Variants in CHCHD6 observed in about 807,000 individuals in gnomAD.
CHCHD6 encodes coiled-coil-helix-coiled-coil-helix domain containing 6, also known as MICOS complex subunit MIC25.
Under a neutral mutation model 32.3 loss-of-function variants are expected in CHCHD6, and 28 were observed. The observed-to-expected ratio is 0.87, with a 90% CI of 0.64 to 1.19. The LOEUF (loss-of-function observed/expected upper bound fraction) is 1.19. CHCHD6 is among the 50% of genes most tolerant of loss of function. CHCHD6 has a pLI of 0.00. For synonymous variants in CHCHD6, 122 were observed against 117.5 expected (o/e 1.04, Z -0.25); for missense variants, 333 against 307.0 (o/e 1.08, Z -0.63).
At chr3:126,790,814 C>T (rs966137381) in intron 4 of CHCHD6, among the ~76,000 whole-genome samples, 2 of 152,208 alleles carry the variant, frequency 1.3e-5, no homozygotes, top group African/African-American at 2.4e-5. Flanking sequence ...AAGCCTTCTT[C>T]TCTCAAGTTG....
chr3:126,957,407 C>G lies in CHCHD6; in HGVS notation c.567-9C>G, dbSNP rs376062365. The G allele has an allele frequency of 4.4e-6, 7 of 1,609,026 alleles. No individual in the cohort carries two copies. Among genetic ancestry groups the G allele is most frequent in the Non-Finnish European group, 8.5e-7 (1 of 1,178,664 alleles). ...GAGCCCCAGGCCTGCCTGCTCTTGTCTTCTGCAGGCCCCGCAGGGTGGAGC... is the reference window on the plus strand; with the variant it reads ...GAGCCCCAGGCCTGCCTGCTCTTGTGTTCTGCAGGCCCCGCAGGGTGGAGC... On this transcript the variant is annotated splice_polypyrimidine_tract_variant and intron_variant, in intron 6 of 7. Coordinates refer to ENST00000290913, the MANE Select transcript of CHCHD6 (RefSeq NM_032343.3).
chr3:126,798,225 G>A (rs540365166), intron 4 of CHCHD6, among the ~76,000 whole-genome samples: 1 of 152,268 alleles, frequency 6.6e-6, no homozygotes, highest in South Asian at 2.1e-4. Flanking sequence ...GTGCTGAGTA[G>A]TGAGATCTCC....
chr3:126,769,202 G>A (rs1305035776), intron 4 of CHCHD6, among the ~76,000 whole-genome samples: 1 of 152,154 alleles, frequency 6.6e-6, no homozygotes, highest in East Asian at 1.9e-4. Flanking sequence ...GATTTTGTAT[G>A]TATTGTAAGG....
intron 3 of CHCHD6, among the ~76,000 whole-genome samples, chr3:126,732,251 G>T (rs1454925530): frequency 6.6e-6 from 1 of 152,104 alleles, no homozygotes; most frequent in Non-Finnish European, 1.5e-5. Context: ...GACAACCACT[G>T]TTAATATTTT....
chr3:126,810,120 C>T (rs921348169), intron 4 of CHCHD6, among the ~76,000 whole-genome samples: 8 of 152,090 alleles, frequency 5.3e-5, no homozygotes, highest in Non-Finnish European at 1.2e-4. Context: ...GGATCAATGT[C>T]TTTAAAATCC....
intron 4 of CHCHD6, among the ~76,000 whole-genome samples, chr3:126,784,873 G>A (rs1265497211): frequency 6.6e-6 from 1 of 151,906 alleles, no homozygotes; most frequent in Non-Finnish European, 1.5e-5. Context: ...TTTTGCTTGT[G>A]TTTTTCATTT....
chr3:126,764,716 A>G (rs1937294489), intron 4 of CHCHD6, among the ~76,000 whole-genome samples: 1 of 152,250 alleles, frequency 6.6e-6, no homozygotes. Context: ...CAAGGATTCC[A>G]GGAGCACAGA....
chr3:126,863,698 A>C (rs1449286839), intron 5 of CHCHD6, among the ~76,000 whole-genome samples: 5 of 95,264 alleles, frequency 5.2e-5, no homozygotes, highest in East Asian at 3.4e-4. Flanking sequence ...CACCATCACC[A>C]CCTCCTCCTC....
intron 4 of CHCHD6, among the ~76,000 whole-genome samples, chr3:126,801,871 A>G (rs891249488): frequency 2.0e-5 from 3 of 152,208 alleles, no homozygotes; most frequent in Non-Finnish European, 4.4e-5. Context: ...CAAAACTTCC[A>G]GAGGAACGAT....
At chr3:126,834,911 A>G (rs1940791745) in intron 4 of CHCHD6, among the ~76,000 whole-genome samples, 1 of 152,150 alleles carries the variant, frequency 6.6e-6, no homozygotes, top group Admixed American at 6.5e-5. Context: ...GGCAAAGAAC[A>G]GTAGGAGCCA....
intron 4 of CHCHD6, among the ~76,000 whole-genome samples, chr3:126,801,209 C>T (rs970719099): frequency 1.1e-4 from 16 of 152,196 alleles, no homozygotes; most frequent in South Asian, 4.1e-4. Flanking sequence ...AGACAGTGGG[C>T]GCAGGACAGG....
chr3:126,713,324 T>C (rs1177427323), intron 1 of CHCHD6, among the ~76,000 whole-genome samples: 1 of 152,214 alleles, frequency 6.6e-6, no homozygotes, highest in Non-Finnish European at 1.5e-5. Context: ...CAGCTTCTTG[T>C]GTCCCGGGGA....
chr3:126,820,406 G>T (rs963069373), intron 4 of CHCHD6, among the ~76,000 whole-genome samples: 9 of 152,100 alleles, frequency 5.9e-5, no homozygotes, highest in Admixed American at 3.9e-4. Flanking sequence ...AAAGAGAACC[G>T]CTACTTGGAC....
At chr3:126,767,281 C>A in intron 4 of CHCHD6, 1 of 1,237,908 alleles carries the variant, frequency 8.1e-7, no homozygotes, top group Non-Finnish European at 1.2e-6. Flanking sequence ...CAAGGCCCAG[C>A]TGCCCCATCT....
intron 5 of CHCHD6, among the ~76,000 whole-genome samples, chr3:126,862,425 C>T (rs1259288101): frequency 7.3e-6 from 1 of 136,170 alleles, no homozygotes; most frequent in African/African-American, 2.7e-5. Context: ...CCACCATCAC[C>T]ACCTCCTCCT....
chr3:126,917,377 G>A (rs2078186892), intron 6 of CHCHD6, among the ~76,000 whole-genome samples: 1 of 152,154 alleles, frequency 6.6e-6, no homozygotes, highest in South Asian at 2.1e-4. Context: ...CATCATTGCT[G>A]TCCCTTGCAG....
At chr3:126,925,964 G>A (rs972488698) in intron 6 of CHCHD6, among the ~76,000 whole-genome samples, 1 of 152,222 alleles carries the variant, frequency 6.6e-6, no homozygotes. Context: ...CTGTGCCAGA[G>A]AGGATATATA....
At chr3:126,953,501 G>C (rs931129751) in intron 6 of CHCHD6, among the ~76,000 whole-genome samples, 3 of 152,274 alleles carry the variant, frequency 2.0e-5, no homozygotes, top group South Asian at 4.1e-4. Flanking sequence ...CTTTCTGCAA[G>C]CTCACCCCAC....
intron 6 of CHCHD6, among the ~76,000 whole-genome samples, chr3:126,946,320 A>G (rs2107605514): frequency 6.6e-6 from 1 of 152,284 alleles, no homozygotes; most frequent in Non-Finnish European, 1.5e-5. Context: ...CTCTTAGGGA[A>G]AGTGTGCATT....
Sources: allele counts gnomAD v4.1 joint callset (sites outside exome capture counted in the v4.1 genomes callset), GRCh38; gene constraint gnomAD v4.1.1; transcripts MANE v1.5; gene names NCBI Gene and HGNC (gene_info 2026-07-23, HGNC 2026-07-21).